The following ITPR2 variants were observed in gnomAD, a reference collection of about 807,000 sequenced individuals.
ITPR2 encodes inositol 1,4,5-trisphosphate-gated calcium channel ITPR2.
In ITPR2, 207 loss-of-function variants were observed where a neutral mutation model predicts 317.1. The observed-to-expected ratio is 0.65, with a 90% CI of 0.58 to 0.73. The LOEUF (loss-of-function observed/expected upper bound fraction) is 0.73. ITPR2 is among the 30% of genes least tolerant of loss of function. The probability of loss-of-function intolerance (pLI) is 0.00; values close to 1 mark genes in which losing one functional copy is unlikely to be tolerated. For synonymous variants in ITPR2, 1,156 were observed against 1,149.1 expected (o/e 1.01, Z -0.12); for missense variants, 2,613 against 3,284.0 (o/e 0.80, Z 4.99).
Position 26,483,692 on chromosome 12 carries a change from G to A in ITPR2, c.6012+6C>T, listed in dbSNP as rs758315414. The A allele has an allele frequency of 2.7e-5, 43 of 1,608,342 alleles. 1 individual carries two copies. The South Asian group carries it at 4.4e-4, about 16-fold the overall frequency. On this transcript the variant is annotated splice_donor_region_variant and intron_variant, in intron 42 of 56. Transcript: ENST00000381340. ...TTACTAATTAGTCATGGATACTTCT[G>A]GTTACCTGATTTTCATGGCAAGGGC...
At chr12:26,379,875 G>C (rs942615277) in intron 55 of ITPR2, among the ~76,000 whole-genome samples, 4 of 152,180 alleles carry the variant, frequency 2.6e-5, no homozygotes, top group Admixed American at 1.3e-4. Context: ...GCTCAGGTTT[G>C]TTCCTTCACA....
At chr12:26,543,539 T>C (rs984155812) in intron 37 of ITPR2, among the ~76,000 whole-genome samples, 9 of 152,156 alleles carry the variant, frequency 5.9e-5, no homozygotes, top group Non-Finnish European at 1.3e-4. Context: ...TTTGGGAGGC[T>C]GAAGCAGGTG....
At chr12:26,762,317 T>A (rs1417113123) in intron 2 of ITPR2, among the ~76,000 whole-genome samples, 1 of 152,140 alleles carries the variant, frequency 6.6e-6, no homozygotes, top group East Asian at 1.9e-4. Context: ...AAAGTCAAAG[T>A]GAATTTTGAA....
At chr12:26,654,556 G>C (rs772520961) in intron 20 of ITPR2, among the ~76,000 whole-genome samples, 2 of 152,172 alleles carry the variant, frequency 1.3e-5, no homozygotes. Context: ...AAGTGCGAGA[G>C]TCTACCTCCA....
At chr12:26,721,280 C>A in intron 5 of ITPR2, 1 of 586,688 alleles carries the variant, frequency 1.7e-6, no homozygotes, top group Non-Finnish European at 3.2e-6. Context: ...TTCTACCAAA[C>A]CTTACCAAAG....
chr12:26,793,562 C>CAT (rs976897624), intron 1 of ITPR2, among the ~76,000 whole-genome samples: 8 of 152,126 alleles, frequency 5.3e-5, no homozygotes, highest in East Asian at 3.9e-4. Context: ...TTTATAATTT[C>CAT]ATGTATATAT....
rs866760976 is a variant in ITPR2 at position 26,553,742 on chromosome 12, G to A, written c.4964+2491C>T. 6.0e-5 allele frequency among the ~76,000 whole-genome samples: 9 copies of A among 151,030 alleles called. 1 individual carries two copies. The Middle Eastern group carries it at 0.021, about 355-fold the overall frequency. On this transcript the variant is annotated intron_variant, in intron 36 of 56. Transcript: ENST00000381340. ...AGAGCTTGCAGTGAGCCAAGATTGCGCCACTGCACTCCAGCCTGGGTGACA... is the reference window on the plus strand; with the variant it reads ...AGAGCTTGCAGTGAGCCAAGATTGCACCACTGCACTCCAGCCTGGGTGACA...
At chr12:26,641,251 AT>A (rs1462609399) in intron 21 of ITPR2, among the ~76,000 whole-genome samples, 3 of 152,060 alleles carry the variant, frequency 2.0e-5, no homozygotes, top group African/African-American at 4.8e-5. Context: ...AAAAAAAAAA[AT>A]CTCTCTTTAA....
chr12:26,556,228 C>G lies in ITPR2; in HGVS notation c.4964+5G>C. On this transcript the variant is annotated splice_donor_5th_base_variant and intron_variant, in intron 36 of 56. Transcript: ENST00000381340. ...CTAGCAGAATCTCAGATTGGATCCACTTACTTCGACATGAAAGCGCCACAT... is the reference window on the plus strand; with the variant it reads ...CTAGCAGAATCTCAGATTGGATCCAGTTACTTCGACATGAAAGCGCCACAT... 6.2e-7 allele frequency: 1 copy of G among 1,613,000 alleles called. No individual in the cohort carries two copies. Among genetic ancestry groups the G allele is most frequent in the Non-Finnish European group, 8.5e-7 (1 of 1,179,556 alleles).
Position 26,556,385 on chromosome 12 carries a change from G to C in ITPR2, c.4822-10C>G, listed in dbSNP as rs961163667. On this transcript the variant is annotated splice_polypyrimidine_tract_variant and intron_variant, in intron 35 of 56. Coordinates refer to ENST00000381340, the MANE Select transcript of ITPR2 (RefSeq NM_002223.4). ...AGGAGGCCACTACATCCTAGGGAAT[G>C]AAACACAAGAGAACCCACATGAAGG... The C allele has an allele frequency of 1.9e-6, 3 of 1,606,674 alleles. No homozygotes were observed. In the African/African-American group the frequency reaches 4.0e-5, roughly 22 times the overall value.
At chr12:26,396,349 T>C (rs1203832951) in intron 54 of ITPR2, among the ~76,000 whole-genome samples, 2 of 152,210 alleles carry the variant, frequency 1.3e-5, no homozygotes, top group Non-Finnish European at 2.9e-5. Flanking sequence ...CAATCCACTC[T>C]ACCTAAATTC....
rs920949164 is a variant in ITPR2 at position 26,438,638 on chromosome 12, T to C, written c.6643+489A>G. ...TAACATTGCTCTGTTTAAATACAAG[T>C]GTTATCATATGTATAACTTGTTTGA... On this transcript the variant is annotated intron_variant, in intron 47 of 56. Transcript: ENST00000381340. 2.0e-5 allele frequency among the ~76,000 whole-genome samples: 3 copies of C among 152,228 alleles called. No individual in the cohort carries two copies. In the East Asian group the frequency reaches 5.8e-4, roughly 29 times the overall value.
chr12:26,661,269 T>TGGGGGGGGGGGGGGGGGGG (rs1332276817), intron 15 of ITPR2, among the ~76,000 whole-genome samples: 2 of 6,750 alleles, frequency 3.0e-4, no homozygotes, highest in Admixed American at 2.6e-3. Flanking sequence ...GGTAGGGGTG[T>TGGGGGGGGGGGGGGGGGGG]GTGTGTGGGG....
At chr12:26,367,142 G>A (rs189413361) in intron 55 of ITPR2, among the ~76,000 whole-genome samples, 2 of 152,244 alleles carry the variant, frequency 1.3e-5, no homozygotes, top group East Asian at 3.9e-4. Context: ...TTTTATCTCT[G>A]AAGGGCCTTT....
chr12:26,829,696 C>T (rs572745461), intron 1 of ITPR2, among the ~76,000 whole-genome samples: 20 of 152,286 alleles, frequency 1.3e-4, no homozygotes, highest in African/African-American at 4.6e-4. Flanking sequence ...CAGGAAACTG[C>T]ACCAGGGCAC....
chr12:26,533,414 G>A (rs796595738), intron 37 of ITPR2, among the ~76,000 whole-genome samples: 4 of 152,250 alleles, frequency 2.6e-5, no homozygotes, highest in African/African-American at 9.6e-5. Context: ...AAGCTGCTCG[G>A]TGCATTTTGG....
chr12:26,670,775 C>T (rs1450933825), intron 13 of ITPR2, among the ~76,000 whole-genome samples: 1 of 152,076 alleles, frequency 6.6e-6, no homozygotes, highest in Non-Finnish European at 1.5e-5. Flanking sequence ...AAATTCAAAC[C>T]AAAGGCAAAG....
chr12:26,444,064 C>G (rs1441485512), intron 45 of ITPR2, among the ~76,000 whole-genome samples: 1 of 152,092 alleles, frequency 6.6e-6, no homozygotes, highest in African/African-American at 2.4e-5. Flanking sequence ...AGAAGAGTTT[C>G]TCTTATAGCA....
intron 25 of ITPR2, among the ~76,000 whole-genome samples, chr12:26,621,770 C>T (rs997342218): frequency 6.6e-6 from 1 of 152,094 alleles, no homozygotes; most frequent in African/African-American, 2.4e-5. Flanking sequence ...TATGTAAGCA[C>T]TTACGTATTA....
Sources: allele counts gnomAD v4.1 joint callset (sites outside exome capture counted in the v4.1 genomes callset), GRCh38; gene constraint gnomAD v4.1.1; transcripts MANE v1.5; gene names NCBI Gene and HGNC (gene_info 2026-07-23, HGNC 2026-07-21).